EFCAB6: variants seen among roughly 807,000 people sequenced by gnomAD.
EFCAB6 encodes the protein EF-hand calcium binding domain 6, also known as EF-hand calcium-binding domain-containing protein 6.
A neutral mutation model predicts 169.8 loss-of-function variants in EFCAB6; 156 were observed. The ratio of observed to expected loss-of-function variants is 0.92; its 90% CI spans 0.81 to 1.05. The LOEUF (loss-of-function observed/expected upper bound fraction) is 1.05, where lower values mean the gene tolerates loss of function less well. Among genes scored for constraint, EFCAB6 ranks in the 50% least tolerant of loss-of-function variants. EFCAB6 has a pLI of 0.00. For missense variants in EFCAB6, 1,800 were observed against 1,829.1 expected (o/e 0.98, Z 0.29); for synonymous variants, 698 against 676.4 (o/e 1.03, Z -0.50).
chr22:43,569,437 T>C (rs1178463919), intron 26 of EFCAB6, among the ~76,000 whole-genome samples: 1 of 152,178 alleles, frequency 6.6e-6, no homozygotes, highest in Non-Finnish European at 1.5e-5. Context: ...ACAGATGCTC[T>C]ACAGGAAGCA....
At position 43,626,671 on chromosome 22, in the gene EFCAB6, G is replaced by C. The variant is rs1208180872; in HGVS notation, c.2241C>G (p.Tyr747Ter). 3 of 1,614,160 alleles carry C rather than the reference G, an allele frequency of 1.9e-6. No homozygotes were observed. The highest frequency in any genetic ancestry group is 2.5e-6 in the Non-Finnish European group (3 of 1,180,030). The change falls in exon 20 of 32, where the codon TAC becomes TAG. Residue 747 changes from tyrosine to a stop codon, truncating the protein, a stop_gained. Transcript: ENST00000262726. LOFTEE classifies it high-confidence loss of function. ...CAGCATCTGTTTTAAAGAAGGCAGAGTAGGGGTCCTAAAAACAAAACACAC... is the reference window on the plus strand; with the variant it reads ...CAGCATCTGTTTTAAAGAAGGCAGACTAGGGGTCCTAAAAACAAAACACAC... ...RRLKESFRDP[Y>*]SAFFKTDADR... is the part of the protein sequence containing the mutation.
At chr22:43,554,682 T>C in intron 27 of EFCAB6, 187 bp downstream of exon 27, 1 of 609,044 alleles carries the variant, frequency 1.6e-6, no homozygotes, top group Non-Finnish European at 2.9e-6. Context: ...ATGAAAATGG[T>C]GTAATTTATA....
intron 17 of EFCAB6, among the ~76,000 whole-genome samples, chr22:43,636,199 A>C (rs1340667035): frequency 6.6e-6 from 1 of 152,212 alleles, no homozygotes; most frequent in Non-Finnish European, 1.5e-5. Flanking sequence ...GTTGTGAAGA[A>C]AGTGTGTTGA....
chr22:43,788,662 G>GA (rs1209914004), intron 2 of EFCAB6, among the ~76,000 whole-genome samples: 1 of 152,198 alleles, frequency 6.6e-6, no homozygotes, highest in African/African-American at 2.4e-5. Context: ...CTTTGGAATA[G>GA]AATTTGAGAA....
At chr22:43,604,927 G>A (rs911797690) in intron 22 of EFCAB6, among the ~76,000 whole-genome samples, 1 of 152,104 alleles carries the variant, frequency 6.6e-6, no homozygotes, top group Non-Finnish European at 1.5e-5. Flanking sequence ...TTTCCTACTC[G>A]GGTCGGCCCT....
At chr22:43,768,534 T>C (rs2061383956) in intron 4 of EFCAB6, among the ~76,000 whole-genome samples, 1 of 152,200 alleles carries the variant, frequency 6.6e-6, no homozygotes, top group Admixed American at 6.5e-5. Context: ...AGGGAAGCCA[T>C]GCCCTTCATT....
Position 43,576,351 on chromosome 22 carries a change from G to C in EFCAB6, c.3366C>G (p.Thr1122=). Residue 1122 remains threonine (T), a synonymous_variant, in exon 26 of 32, where the codon ACC becomes ACG. Transcript: ENST00000262726. ...GAAAATATTTCCAATTTATATAGGG[G>C]GTTAGATGAATTCTTAGTTTCCTCA... ...YFLRKLRIHL[T]PYINWKYFLQ... The C allele has an allele frequency of 6.2e-7, 1 of 1,600,350 alleles. No homozygotes were observed. Among genetic ancestry groups the C allele is most frequent in the East Asian group, 2.3e-5 (1 of 44,352 alleles).
At chr22:43,649,959 A>T (rs1947575123) in intron 17 of EFCAB6, among the ~76,000 whole-genome samples, 2 of 152,224 alleles carry the variant, frequency 1.3e-5, no homozygotes, top group Non-Finnish European at 2.9e-5. Context: ...AAATGACTGG[A>T]TTGCTAGTGA....
intron 6 of EFCAB6, among the ~76,000 whole-genome samples, chr22:43,750,466 T>C (rs1475530845): frequency 1.3e-5 from 2 of 152,182 alleles, no homozygotes; most frequent in African/African-American, 4.8e-5. Context: ...AGCTCTACGA[T>C]ATGCTAATAT....
chr22:43,678,587 T>C (rs1461519598), intron 12 of EFCAB6, among the ~76,000 whole-genome samples: 1 of 152,166 alleles, frequency 6.6e-6, no homozygotes, highest in Non-Finnish European at 1.5e-5. Context: ...AGTTTGCCAA[T>C]TTAGTAAGAA....
intron 6 of EFCAB6, among the ~76,000 whole-genome samples, chr22:43,754,614 G>A (rs1003019264): frequency 6.6e-6 from 1 of 152,182 alleles, no homozygotes; most frequent in Non-Finnish European, 1.5e-5. Flanking sequence ...TTAACTGAAA[G>A]GATGGACAGC....
intron 20 of EFCAB6, among the ~76,000 whole-genome samples, chr22:43,621,024 A>G (rs981247005): frequency 2.0e-5 from 3 of 152,152 alleles, no homozygotes; most frequent in Non-Finnish European, 4.4e-5. Context: ...CACACAAGAT[A>G]TGTTCTCTGA....
intron 6 of EFCAB6, among the ~76,000 whole-genome samples, chr22:43,740,177 G>A (rs11090607): frequency 0.37 from 56,532 of 151,920 alleles, 11,204 homozygotes; most frequent in African/African-American, 0.48. Flanking sequence ...GCCCAGAAAC[G>A]CCCTCCCTAG....
intron 9 of EFCAB6, among the ~76,000 whole-genome samples, chr22:43,714,110 G>A (rs1396700241): frequency 6.6e-6 from 1 of 151,990 alleles, no homozygotes; most frequent in Admixed American, 6.6e-5. Context: ...TAAGAAAATA[G>A]AAAATAAAAA....
chr22:43,736,509 CATG>C, intron 6 of EFCAB6, among the ~76,000 whole-genome samples: 1 of 152,286 alleles, frequency 6.6e-6, no homozygotes, highest in Admixed American at 6.5e-5. Context: ...CACAGACACA[CATG>C]ACATTAGGAT....
chr22:43,714,205 G>A (rs1037163462), intron 9 of EFCAB6, among the ~76,000 whole-genome samples: 4 of 152,092 alleles, frequency 2.6e-5, no homozygotes, highest in Non-Finnish European at 5.9e-5. Context: ...AAGGAGTGCC[G>A]TGGAAGAATC....
intron 17 of EFCAB6, 32 bp from the exon 18 acceptor site, chr22:43,635,248 C>T (rs200423744): frequency 2.7e-5 from 41 of 1,538,062 alleles, no homozygotes; most frequent in African/African-American, 8.2e-5. Flanking sequence ...GGTGGAGAGG[C>T]GTTAGGTGGT....
At chr22:43,756,538 G>A (rs1042998364) in intron 5 of EFCAB6, among the ~76,000 whole-genome samples, 1 of 152,154 alleles carries the variant, frequency 6.6e-6, no homozygotes, top group Admixed American at 6.5e-5. Flanking sequence ...GGTGGGAGGA[G>A]AACACGAGGA....
intron 10 of EFCAB6, among the ~76,000 whole-genome samples, chr22:43,696,532 G>C (rs1413395698): frequency 6.6e-6 from 1 of 152,102 alleles, no homozygotes; most frequent in Non-Finnish European, 1.5e-5. Context: ...ACCCCAAACT[G>C]AAAACAACCC....
Sources: allele counts gnomAD v4.1 joint callset (sites outside exome capture counted in the v4.1 genomes callset), GRCh38; gene constraint gnomAD v4.1.1; transcripts MANE v1.5; gene names NCBI Gene and HGNC (gene_info 2026-07-23, HGNC 2026-07-21).